The following MAGI1 variants were observed in gnomAD, a reference collection of about 807,000 sequenced individuals.
MAGI1 encodes membrane associated guanylate kinase, WW and PDZ domain containing 1.
MAGI1 carries 58 observed loss-of-function variants against 139.9 expected under a neutral mutation model. That is an observed-to-expected ratio of 0.41 (90% CI 0.34 to 0.52). The LOEUF (loss-of-function observed/expected upper bound fraction) is 0.52, where lower values mean the gene tolerates loss of function less well. MAGI1 is among the 20% of genes least tolerant of loss of function. The pLI is 0.12. For missense variants in MAGI1, 1,874 were observed against 1,901.6 expected, an observed-to-expected ratio of 0.99 and a Z score of 0.27; for synonymous variants, 812 against 737.9, an observed-to-expected ratio of 1.10 and a Z score of -1.63.
At chr3:65,530,647 G>A (rs1559642092) in intron 2 of MAGI1, among the ~76,000 whole-genome samples, 3 of 129,728 alleles carry the variant, frequency 2.3e-5, no homozygotes, top group Admixed American at 7.7e-5. Context: ...GTGTGTGTGT[G>A]TGTGTGTGTG....
chr3:65,971,707 G>A (rs1372404576), intron 1 of MAGI1, among the ~76,000 whole-genome samples: 2 of 152,186 alleles, frequency 1.3e-5, no homozygotes, highest in Non-Finnish European at 2.9e-5. Context: ...ACTTCCACAA[G>A]ACACAGAAGC....
At chr3:65,658,958 G>C (rs543872968) in intron 1 of MAGI1, among the ~76,000 whole-genome samples, 2 of 152,252 alleles carry the variant, frequency 1.3e-5, no homozygotes, top group Middle Eastern at 3.4e-3. Context: ...TTTACTTGTG[G>C]ATTAATGACA....
chr3:65,412,030 G>A (rs1945836047), intron 12 of MAGI1, among the ~76,000 whole-genome samples: 2 of 152,254 alleles, frequency 1.3e-5, no homozygotes, highest in South Asian at 4.1e-4. Context: ...GCAGAAATCA[G>A]ATTGTACTGT....
chr3:65,599,888 T>G (rs1480610713), intron 2 of MAGI1, among the ~76,000 whole-genome samples: 2 of 152,220 alleles, frequency 1.3e-5, no homozygotes, highest in Non-Finnish European at 2.9e-5. Context: ...GCTTCATTCT[T>G]GATTCACATC....
chr3:65,567,988 G>T (rs1486526605), intron 2 of MAGI1, among the ~76,000 whole-genome samples: 1 of 152,160 alleles, frequency 6.6e-6, no homozygotes, highest in African/African-American at 2.4e-5. Flanking sequence ...TTCCTTCAAA[G>T]GGATATCAGG....
chr3:65,876,231 A>G (rs2060111054), intron 1 of MAGI1, among the ~76,000 whole-genome samples: 1 of 152,076 alleles, frequency 6.6e-6, no homozygotes, highest in African/African-American at 2.4e-5. Context: ...CTGATGCAAG[A>G]GGATCACTTG....
chr3:65,774,233 G>C lies in MAGI1; in HGVS notation c.314-152145C>G, dbSNP rs539446801. ...TAAACCAAAATTCTGTTTTACACAA[G>C]CAAAGAAGTCCTGAGCAGGGTGAAA... On this transcript the variant is annotated intron_variant, in intron 1 of 22. Coordinates refer to ENST00000402939, the MANE Select transcript of MAGI1 (RefSeq NM_001033057.2). Among the ~76,000 whole-genome samples the C allele has an allele frequency of 2.0e-3, 310 of 152,208 alleles. 4 individuals are homozygous for C. The highest frequency in any genetic ancestry group is 2.3e-3 in the Non-Finnish European group (155 of 68,006).
At chr3:66,026,766 A>G (rs1576507993) in intron 1 of MAGI1, among the ~76,000 whole-genome samples, 1 of 152,108 alleles carries the variant, frequency 6.6e-6, no homozygotes, top group East Asian at 1.9e-4. Context: ...GCTTGAAAAT[A>G]TATAGCAGCA....
Position 65,373,829 on chromosome 3 carries a change from T to C in MAGI1, c.3196+1916A>G, listed in dbSNP as rs371846724. ...TGAAGGAGGGTCAAGTAGATCATCA[T>C]TCAAGAGGCCAGTGTTTTCCTCCAC... On this transcript the variant is annotated intron_variant, in intron 18 of 22. Coordinates refer to ENST00000402939, the MANE Select transcript of MAGI1 (RefSeq NM_001033057.2). Among the ~76,000 whole-genome samples, 7 of 152,218 alleles carry C rather than the reference T, an allele frequency of 4.6e-5. No individual in the cohort carries two copies. The East Asian group carries it at 7.7e-4, about 17-fold the overall frequency.
chr3:65,618,900 C>T (rs1187025523), intron 2 of MAGI1, among the ~76,000 whole-genome samples: 1 of 152,134 alleles, frequency 6.6e-6, no homozygotes, highest in East Asian at 1.9e-4. Flanking sequence ...CACAACAGGC[C>T]CCTGAACTCA....
At chr3:65,973,466 C>A (rs927122037) in intron 1 of MAGI1, among the ~76,000 whole-genome samples, 23 of 152,198 alleles carry the variant, frequency 1.5e-4, no homozygotes, top group South Asian at 4.1e-4. Flanking sequence ...TTTGGCCAAA[C>A]CACGCTTTAA....
Position 65,448,077 on chromosome 3 carries a change from G to A in MAGI1, c.1043-20C>T, listed in dbSNP as rs149991867. On this transcript the variant is annotated intron_variant, in intron 6 of 22. Transcript: ENST00000402939. The stretch of plus-strand genomic sequence containing the variant: ...CCCCTTCTTCTCCAAAGGAATAGCA[G>A]GAATGAGACAGAAAAGAGAGAAAGC... 4.3e-6 allele frequency: 7 copies of A among 1,613,620 alleles called. No individual in the cohort carries two copies. Among genetic ancestry groups the A allele is most frequent in the Middle Eastern group, 1.7e-4 (1 of 6,054 alleles).
chr3:65,402,111 C>T (rs1232336054), intron 12 of MAGI1, among the ~76,000 whole-genome samples: 3 of 152,142 alleles, frequency 2.0e-5, no homozygotes, highest in Non-Finnish European at 4.4e-5. Flanking sequence ...CAGCACATGT[C>T]TGTCTCAACG....
intron 2 of MAGI1, among the ~76,000 whole-genome samples, chr3:65,523,470 TG>T (rs1347787606): frequency 6.6e-6 from 1 of 151,752 alleles, no homozygotes; most frequent in Non-Finnish European, 1.5e-5. Flanking sequence ...AAGCAAAGAA[TG>T]CAAGAAAAAA....
chr3:66,036,887 T>G lies in MAGI1; in HGVS notation c.313+1109A>C, dbSNP rs370233298. ...TCAGCTGGTCTCCATTGGGTTGACA[T>G]GAGGACAGCCCCTTGTCTGTACCAA... On this transcript the variant is annotated intron_variant, in intron 1 of 22. Coordinates refer to ENST00000402939, the MANE Select transcript of MAGI1 (RefSeq NM_001033057.2). Among the ~76,000 whole-genome samples the G allele has an allele frequency of 1.4e-4, 22 of 152,308 alleles. No individual in the cohort carries two copies. In the South Asian group the frequency reaches 2.1e-3, roughly 14 times the overall value.
intron 18 of MAGI1, among the ~76,000 whole-genome samples, chr3:65,370,216 C>T (rs575846765): frequency 9.2e-5 from 14 of 152,078 alleles, no homozygotes; most frequent in African/African-American, 3.1e-4. Context: ...TGCAGTGAGC[C>T]GAGATCATGC....
At chr3:65,387,375 C>T (rs1468947290) in intron 14 of MAGI1, 1 of 502,862 alleles carries the variant, frequency 2.0e-6, no homozygotes, top group Non-Finnish European at 3.3e-6. Flanking sequence ...TAGTTTGATT[C>T]CATTTTTTCT....
chr3:65,640,709 C>A (rs1355870464), intron 1 of MAGI1, among the ~76,000 whole-genome samples: 1 of 152,202 alleles, frequency 6.6e-6, no homozygotes, highest in Non-Finnish European at 1.5e-5. Context: ...CTCTTAACTT[C>A]CTCTCCGAAT....
intron 1 of MAGI1, among the ~76,000 whole-genome samples, chr3:65,842,516 C>G (rs1236417881): frequency 6.6e-6 from 1 of 152,132 alleles, no homozygotes; most frequent in Admixed American, 6.5e-5. Context: ...CATGTGCCAC[C>G]ACGCTGGGCT....
Sources: gnomAD v4.1 joint callset for allele counts (sites outside exome capture counted in the v4.1 genomes callset) on GRCh38, gnomAD v4.1.1 for gene constraint, MANE v1.5 for transcripts, NCBI Gene and HGNC (gene_info 2026-07-23, HGNC 2026-07-21) for gene names.